OXCT1: variants seen among roughly 807,000 people sequenced by gnomAD.
OXCT1 encodes 3-oxoacid CoA-transferase 1, also known as succinyl-CoA:3-ketoacid coenzyme A transferase 1, mitochondrial.
OXCT1 carries 27 observed loss-of-function variants against 69.6 expected under a neutral mutation model. The observed-to-expected ratio is 0.39, with a 90% CI of 0.29 to 0.54. OXCT1 has a LOEUF of 0.54. Among genes scored for constraint, OXCT1 ranks in the 20% least tolerant of loss-of-function variants. The pLI is 0.72. For missense variants in OXCT1, 437 were observed against 650.2 expected, an observed-to-expected ratio of 0.67 and a Z score of 3.57; for synonymous variants, 202 against 217.8, an observed-to-expected ratio of 0.93 and a Z score of 0.64.
At chr5:41,735,161 C>G (rs1742823492) in intron 16 of OXCT1, among the ~76,000 whole-genome samples, 1 of 152,216 alleles carries the variant, frequency 6.6e-6, no homozygotes, top group Admixed American at 6.5e-5. Flanking sequence ...CTTTGCAGCA[C>G]TATTCACAGT....
At chr5:41,860,139 A>G (rs1459111493) in intron 3 of OXCT1, among the ~76,000 whole-genome samples, 1 of 152,010 alleles carries the variant, frequency 6.6e-6, no homozygotes, top group African/African-American at 2.4e-5. Flanking sequence ...AGTTGTCTTA[A>G]ACAAGTTACT....
At chr5:41,820,902 G>A (rs1008206264) in intron 7 of OXCT1, among the ~76,000 whole-genome samples, 2 of 152,058 alleles carry the variant, frequency 1.3e-5, no homozygotes, top group African/African-American at 4.8e-5. Flanking sequence ...CCATACACTC[G>A]CAGCAAACCA....
chr5:41,775,389 G>A (rs575719629), intron 13 of OXCT1, among the ~76,000 whole-genome samples: 4 of 152,258 alleles, frequency 2.6e-5, no homozygotes, highest in African/African-American at 9.6e-5. Context: ...GCTATTATTG[G>A]TTTATTATGA....
At chr5:41,853,783 G>C in intron 3 of OXCT1, 1 of 606,584 alleles carries the variant, frequency 1.6e-6, no homozygotes. Flanking sequence ...TTTTTTGTGG[G>C]AGCGGGGCAT....
At chr5:41,746,511 T>G in intron 15 of OXCT1, among the ~76,000 whole-genome samples, 1 of 152,116 alleles carries the variant, frequency 6.6e-6, no homozygotes, top group East Asian at 1.9e-4. Context: ...GCACCTACTA[T>G]GCACAGAGCA....
chr5:41,858,605 A>T (rs1226545551), intron 3 of OXCT1, among the ~76,000 whole-genome samples: 1 of 152,192 alleles, frequency 6.6e-6, no homozygotes, highest in African/African-American at 2.4e-5. Flanking sequence ...CATTAATGAG[A>T]CACATTATTA....
At chr5:41,760,481 C>T (rs551179185) in intron 14 of OXCT1, among the ~76,000 whole-genome samples, 1 of 152,180 alleles carries the variant, frequency 6.6e-6, no homozygotes, top group South Asian at 2.1e-4. Flanking sequence ...TTATTTTCCT[C>T]TATCAGAAAT....
chr5:41,791,824 C>T (rs949944693), intron 13 of OXCT1, among the ~76,000 whole-genome samples: 22 of 151,752 alleles, frequency 1.4e-4, no homozygotes, highest in Non-Finnish European at 1.0e-4. Context: ...TTTTATGAGA[C>T]GGAGTCTCGC....
intron 15 of OXCT1, among the ~76,000 whole-genome samples, chr5:41,744,897 A>G (rs1040155206): frequency 6.6e-6 from 1 of 152,130 alleles, no homozygotes; most frequent in Non-Finnish European, 1.5e-5. Flanking sequence ...TATGCACCCA[A>G]TACAGGAGCA....
chr5:41,806,065 G>A (rs1427976264), intron 8 of OXCT1, among the ~76,000 whole-genome samples: 5 of 152,090 alleles, frequency 3.3e-5, no homozygotes, highest in African/African-American at 1.2e-4. Context: ...CTGTCAGAAT[G>A]TGTTTACCAG....
Position 41,793,993 on chromosome 5 carries a change from G to A in OXCT1, c.1248+10C>T. ...CCAAACATAATTCAGAATAAAAAAT[G>A]TCTACTTACAGGTATCATCCAGTTA... On this transcript the variant is annotated intron_variant, in intron 13 of 16. Transcript: ENST00000196371. 6.5e-7 allele frequency: 1 copy of A among 1,536,010 alleles called. No individual in the cohort carries two copies. The highest frequency in any genetic ancestry group is 9.0e-7 in the Non-Finnish European group (1 of 1,108,728).
intron 6 of OXCT1, among the ~76,000 whole-genome samples, chr5:41,841,153 C>T (rs1748609685): frequency 6.6e-6 from 1 of 152,162 alleles, no homozygotes; most frequent in Non-Finnish European, 1.5e-5. Flanking sequence ...TGATGTTCCT[C>T]AATACAGTTC....
chr5:41,733,669 T>A (rs1742750757), intron 16 of OXCT1, among the ~76,000 whole-genome samples: 1 of 152,238 alleles, frequency 6.6e-6, no homozygotes, highest in Admixed American at 6.5e-5. Flanking sequence ...CCTTGTCATG[T>A]CAGCCCTATT....
At chr5:41,753,278 C>T (rs1561363322) in intron 14 of OXCT1, among the ~76,000 whole-genome samples, 1 of 144,232 alleles carries the variant, frequency 6.9e-6, no homozygotes, top group Non-Finnish European at 1.5e-5. Flanking sequence ...AATACACACA[C>T]ACACACACAC....
intron 16 of OXCT1, 33 bp downstream of exon 16, chr5:41,739,357 C>G: frequency 7.6e-7 from 1 of 1,315,638 alleles, no homozygotes; most frequent in South Asian, 1.2e-5. Flanking sequence ...TAATATAAGA[C>G]AAGTGTCTGG....
chr5:41,810,478 T>G (rs1290380116), intron 7 of OXCT1, among the ~76,000 whole-genome samples: 2 of 152,010 alleles, frequency 1.3e-5, no homozygotes, highest in Non-Finnish European at 2.9e-5. Context: ...CATGGCACTA[T>G]GAATAGTTCT....
At chr5:41,841,815 T>A (rs1179389277) in intron 6 of OXCT1, among the ~76,000 whole-genome samples, 5 of 145,862 alleles carry the variant, frequency 3.4e-5, no homozygotes, top group African/African-American at 5.0e-5. Flanking sequence ...AAAAACTGGC[T>A]AAATTAAAGA....
At chr5:41,735,457 A>G (rs1742839985) in intron 16 of OXCT1, among the ~76,000 whole-genome samples, 1 of 152,254 alleles carries the variant, frequency 6.6e-6, no homozygotes, top group African/African-American at 2.4e-5. Context: ...TTAGTGTTTA[A>G]TGAGTAGTTT....
intron 7 of OXCT1, among the ~76,000 whole-genome samples, chr5:41,832,824 A>G (rs1343950260): frequency 6.6e-6 from 1 of 152,230 alleles, no homozygotes; most frequent in Non-Finnish European, 1.5e-5. Flanking sequence ...ATAATTTAAA[A>G]GAATCAAGCA....
Sources: gnomAD v4.1 joint callset for allele counts (sites outside exome capture counted in the v4.1 genomes callset) on GRCh38, gnomAD v4.1.1 for gene constraint, MANE v1.5 for transcripts, NCBI Gene and HGNC (gene_info 2026-07-23, HGNC 2026-07-21) for gene names.